The following HSPD1 variants were observed in gnomAD, a reference collection of about 807,000 sequenced individuals.
The protein encoded by HSPD1 is 60 kDa heat shock protein, mitochondrial.
Under a neutral mutation model 53.0 loss-of-function variants are expected in HSPD1, and 3 were observed. The ratio of observed to expected loss-of-function variants is 0.06; its 90% confidence interval spans 0.03 to 0.15. HSPD1 has a LOEUF of 0.15. Among genes scored for constraint, HSPD1 ranks in the 10% least tolerant of loss-of-function variants. The pLI, the probability that HSPD1 is intolerant of heterozygous loss-of-function variation, is 1.00. For synonymous variants in HSPD1, 200 were observed against 228.0 expected, an observed-to-expected ratio of 0.88 and a Z score of 1.10; for missense variants, 431 against 694.1, an observed-to-expected ratio of 0.62 and a Z score of 4.26.
In HSPD1 at chr2:197,493,626, C is replaced by A. The variant is rs1029409930; in HGVS notation, c.701-134G>T. 3.5e-5 allele frequency: 24 copies of A among 694,024 alleles called. 1 individual carries two copies. In the South Asian group the frequency reaches 3.9e-4, roughly 11 times the overall value. 43.0% of individuals were successfully genotyped at this position (694,024 alleles called of 1,614,324 possible). The stretch of plus-strand genomic sequence containing the variant: ...GTTTTCCTCCTTCATTTCTCATATG[C>A]ATTAACTTTTGGAATATATACATTT... On this transcript the variant is annotated intron_variant, in intron 6 of 11. Transcript: ENST00000388968.
chr2:197,496,526 T>C (rs1465604271), intron 3 of HSPD1, among the ~76,000 whole-genome samples: 1 of 152,186 alleles, frequency 6.6e-6, no homozygotes, highest in East Asian at 1.9e-4. Flanking sequence ...GCAATTCTGC[T>C]GATAGGAAAA....
chr2:197,498,833 T>C lies in HSPD1; in HGVS notation c.16A>G (p.Thr6Ala). Residue 6 changes from threonine (T) to alanine (A), a missense_variant, in exon 2 of 12, where the codon ACA becomes GCA. Coordinates refer to ENST00000388968, the MANE Select transcript of HSPD1 (RefSeq NM_002156.5). Reference sequence around the variant, plus strand: ...ACCGGTCTCATCTGGCGAAAGACTGTGGGTAACCGAAGCATTTCTGGGGAT... The same window carrying C: ...ACCGGTCTCATCTGGCGAAAGACTGCGGGTAACCGAAGCATTTCTGGGGAT... MLRLP[T>A]VFRQMRPVSR... 6.2e-7 allele frequency: 1 copy of C among 1,614,182 alleles called. No individual in the cohort carries two copies. Among genetic ancestry groups the C allele is most frequent in the South Asian group, 1.1e-5 (1 of 91,082 alleles).
In HSPD1 at chr2:197,487,150, T is replaced by A. The variant is rs374037426; in HGVS notation, c.1618A>T (p.Thr540Ser). 3.7e-6 allele frequency: 6 copies of A among 1,610,754 alleles called. No homozygotes were observed. The East Asian group carries it at 6.7e-5, about 18-fold the overall frequency. ...TCTGTGACTACAACTTCTGCTGTAG[T>A]TAACAGAGAGGCCACACCAGCAGCA... ...LDAAGVASLLTTAEVVVTEIP... is the reference protein window; with the variant it reads ...LDAAGVASLLSTAEVVVTEIP... Residue 540 changes from threonine to serine, a missense_variant, in exon 12 of 12, where the codon ACT becomes TCT. Transcript: ENST00000388968.
rs79780284 is a variant in HSPD1 at position 197,499,334 on chromosome 2, G to A, written c.-3+448C>T. On this transcript the variant is annotated intron_variant, in intron 1 of 11. Coordinates refer to ENST00000388968, the MANE Select transcript of HSPD1 (RefSeq NM_002156.5). The stretch of plus-strand genomic sequence containing the variant: ...CTGTATCAGAGCAACCAGCAAGGCC[G>A]CGATGCTGGGGGCGGCGGCCCGGCC... 3.9e-3 allele frequency: 660 copies of A among 167,242 alleles called. 3 individuals carry two copies. The highest frequency in any genetic ancestry group is 0.015 in the African/African-American group (631 of 41,716). The allele number at this position is 167,242 out of a possible 1,614,324, so 10.4% of individuals were successfully genotyped here.
intron 7 of HSPD1, among the ~76,000 whole-genome samples, chr2:197,492,022 T>G (rs563554835): frequency 3.9e-5 from 6 of 152,352 alleles, no homozygotes; most frequent in Middle Eastern, 3.4e-3. Flanking sequence ...CCAAGTGTGC[T>G]TGTGCAAGTG....
chr2:197,500,090 C>T (rs1372262978), upstream of HSPD1: 6 of 342,416 alleles, frequency 1.8e-5, no homozygotes, highest in Non-Finnish European at 3.3e-5. Flanking sequence ...CCAGAAAATG[C>T]CGCGCTCCCT....
At chr2:197,490,536 A>G in intron 7 of HSPD1, 1 of 501,878 alleles carries the variant, frequency 2.0e-6, no homozygotes, top group Non-Finnish European at 3.6e-6. Context: ...CCTTCTTAAT[A>G]AACTGTTGGC....
chr2:197,488,246 G>A (rs553561449), intron 10 of HSPD1, 71 bp downstream of exon 10: 1 of 1,332,756 alleles, frequency 7.5e-7, no homozygotes, highest in East Asian at 2.4e-5. Context: ...TCCATTTAGG[G>A]GACTGCAACA....
At chr2:197,499,434 G>C (rs2086210296) in intron 1 of HSPD1, 1 of 154,926 alleles carries the variant, frequency 6.5e-6, no homozygotes, top group Non-Finnish European at 1.4e-5. Context: ...CGGTATCCCA[G>C]CTGCCTGCGG....
In HSPD1 at chr2:197,497,311, A is replaced by C; in HGVS notation, c.256T>G (p.Leu86Val). The change falls in exon 3 of 12, where the codon TTA (leucine) becomes GTA (valine). Residue 86 changes from leucine to valine, a missense_variant. Physicochemically the swap from Leu to Val is conservative, Grantham distance 32. Around this residue, in one of 2 missense-constraint regions of HSPD1, gnomAD observed 386 missense variants for 657.6 expected, o/e 0.59. Transcript: ENST00000388968. ...CCAATGTTTTTGTATTTATCTTTTA[A>C]GTCAATTGACTTTGCAACAGTCACA... ...DGVTVAKSID[L>V]KDKYKNIGAK... The C allele has an allele frequency of 5.0e-6, 8 of 1,613,392 alleles. No homozygotes were observed. The highest frequency in any genetic ancestry group is 6.8e-6 in the Non-Finnish European group (8 of 1,179,316).
At chr2:197,499,013 A>G in intron 1 of HSPD1, 163 bp from the exon 2 acceptor site, 1 of 719,130 alleles carries the variant, frequency 1.4e-6, no homozygotes, top group Non-Finnish European at 2.5e-6. Flanking sequence ...GCTTCGGAAC[A>G]TCAGCCACTA....
chr2:197,488,686 T>C (rs1256712415), intron 9 of HSPD1, among the ~76,000 whole-genome samples, 195 bp from the exon 10 acceptor site: 1 of 152,124 alleles, frequency 6.6e-6, no homozygotes, highest in Non-Finnish European at 1.5e-5. Context: ...CTGACCAACA[T>C]GGTGAAGCCC....
intron 3 of HSPD1, among the ~76,000 whole-genome samples, chr2:197,495,789 T>G (rs1213757384): frequency 1.3e-5 from 2 of 152,172 alleles, no homozygotes; most frequent in African/African-American, 2.4e-5. Flanking sequence ...TACACACAGC[T>G]TCTGAGACAG....
At chr2:197,497,910 T>C (rs887219921) in intron 2 of HSPD1, among the ~76,000 whole-genome samples, 30 of 152,372 alleles carry the variant, frequency 2.0e-4, no homozygotes, top group Non-Finnish European at 3.2e-4. Flanking sequence ...TGTGCAAATG[T>C]TGTATTTTAG....
At position 197,497,399 on chromosome 2, in the gene HSPD1, GA is replaced by G; in HGVS notation, c.175-8del. On this transcript the variant is annotated splice_region_variant and splice_polypyrimidine_tract_variant and intron_variant, in intron 2 of 11. Transcript: ENST00000388968. ...CAATAATCACTGTTCTTCCCTAGAA[GA>G]AAAAAATGTAACAGGATCAGACATA... 8 of 1,612,962 alleles carry G rather than the reference GA, an allele frequency of 5.0e-6. No individual in the cohort carries two copies. Among genetic ancestry groups the G allele is most frequent in the African/African-American group, 1.3e-5 (1 of 74,946 alleles).
Position 197,488,504 on chromosome 2 carries a change from A to G in HSPD1, c.1216-13T>C. The G allele has an allele frequency of 6.2e-7, 1 of 1,612,108 alleles. No individual in the cohort carries two copies. The highest frequency in any genetic ancestry group is 8.5e-7 in the Non-Finnish European group (1 of 1,178,104). ...TTGTCCCACCAACCTAAAGACGAAA[A>G]GAATTCCAGTTAGTATGGCCTCTTC... On this transcript the variant is annotated splice_polypyrimidine_tract_variant and intron_variant, in intron 9 of 11. Coordinates refer to ENST00000388968, the MANE Select transcript of HSPD1 (RefSeq NM_002156.5).
chr2:197,489,033 G>C lies in HSPD1; in HGVS notation c.1184C>G (p.Ala395Gly). The change falls in exon 9 of 12, where the codon GCA becomes GGA. Residue 395 changes from alanine (A) to glycine (G), a missense_variant. Physicochemically the swap from Ala to Gly is moderately conservative, Grantham distance 60 (BLOSUM62 0). Coordinates refer to ENST00000388968, the MANE Select transcript of HSPD1 (RefSeq NM_002156.5). ...YEKEKLNERLAKLSDGVAVLK... is the reference protein window; with the variant it reads ...YEKEKLNERLGKLSDGVAVLK... ...CACAGCCACTCCATCTGAAAGTTTT[G>C]CAAGCCGTTCATTCAGTTTTTCCTT... The C allele has an allele frequency of 1.2e-6, 2 of 1,613,904 alleles. No homozygotes were observed. Among genetic ancestry groups the C allele is most frequent in the Non-Finnish European group, 8.5e-7 (1 of 1,179,830 alleles).
chr2:197,494,589 A>C (rs1205744866), intron 5 of HSPD1, 68 bp downstream of exon 5: 1 of 1,095,946 alleles, frequency 9.1e-7, no homozygotes, highest in Non-Finnish European at 1.4e-6. Flanking sequence ...AGTTTTGATC[A>C]TCAGATAACT....
At position 197,488,480 on chromosome 2, in the gene HSPD1, T is replaced by C; in HGVS notation, c.1227A>G (p.Thr409=). 6.2e-7 allele frequency: 1 copy of C among 1,613,794 alleles called. No homozygotes were observed. The highest frequency in any genetic ancestry group is 8.5e-7 in the Non-Finnish European group (1 of 1,179,654). The change falls in exon 10 of 12, where the codon ACA becomes ACG. Residue 409 remains threonine (T), a synonymous_variant. Transcript: ENST00000388968. The part of the protein sequence containing the change: ...DGVAVLKVGG[T]SDVEVNEKKD... ...TCTTTTCATTCACTTCAACATCACT[T>C]GTCCCACCAACCTAAAGACGAAAAG...
Sources: gnomAD v4.1 joint callset for allele counts (sites outside exome capture counted in the v4.1 genomes callset) on GRCh38, gnomAD v4.1.1 for gene constraint, gnomAD v4.1.1 regional missense constraint, MANE v1.5 for transcripts, NCBI Gene and HGNC (gene_info 2026-07-23, HGNC 2026-07-21) for gene names.